The following CNTNAP2 variants were observed in gnomAD, a reference collection of about 807,000 sequenced individuals.
CNTNAP2 encodes contactin associated protein 2, also known as contactin-associated protein-like 2.
A neutral mutation model predicts 155.2 loss-of-function variants in CNTNAP2; 98 were observed. The observed-to-expected ratio is 0.63, with a 90% CI of 0.54 to 0.75. The LOEUF (loss-of-function observed/expected upper bound fraction) is 0.75, where lower values mean the gene tolerates loss of function less well. Among genes scored for constraint, CNTNAP2 ranks in the 30% least tolerant of loss-of-function variants. The probability of loss-of-function intolerance (pLI) is 0.00; values close to 1 mark genes in which losing one functional copy is unlikely to be tolerated. For synonymous variants in CNTNAP2, 651 were observed against 631.2 expected (o/e 1.03, Z -0.47); for missense variants, 1,727 against 1,688.1 (o/e 1.02, Z -0.40).
At chr7:146,237,820 T>C (rs966003854) in intron 1 of CNTNAP2, among the ~76,000 whole-genome samples, 1 of 152,256 alleles carries the variant, frequency 6.6e-6, no homozygotes, top group South Asian at 2.1e-4. Context: ...AAGTAACCCT[T>C]GTTACTAGTT....
Position 147,276,175 on chromosome 7 carries a change from A to G in CNTNAP2, c.1349-23966A>G, listed in dbSNP as rs1804891156. Among the ~76,000 whole-genome samples, 3 of 151,350 alleles carry G rather than the reference A, an allele frequency of 2.0e-5. No individual in the cohort carries two copies. The South Asian group carries it at 6.2e-4, about 31-fold the overall frequency. ...TGCCCTTGCCTGGTTTTGGTATCAG[A>G]GTGATACTAGTTTCATAGAATTAGT... is the stretch of plus-strand genomic sequence containing the variant. On this transcript the variant is annotated intron_variant, in intron 8 of 23. Transcript: ENST00000361727.
chr7:147,427,537 C>A (rs1797399277), intron 10 of CNTNAP2, among the ~76,000 whole-genome samples: 1 of 152,090 alleles, frequency 6.6e-6, no homozygotes. Context: ...AGGCCCCCGT[C>A]ATGGAGAGTT....
intron 9 of CNTNAP2, among the ~76,000 whole-genome samples, chr7:147,348,176 C>A (rs1460611204): frequency 6.6e-6 from 1 of 151,888 alleles, no homozygotes; most frequent in Non-Finnish European, 1.5e-5. Flanking sequence ...GATTATATCA[C>A]AGCACAAATC....
chr7:147,689,576 T>G (rs1447611143), intron 13 of CNTNAP2, among the ~76,000 whole-genome samples: 1 of 152,200 alleles, frequency 6.6e-6, no homozygotes, highest in African/African-American at 2.4e-5. Flanking sequence ...TTTTAAAATC[T>G]TCATTTGTTA....
chr7:148,373,291 A>T (rs914102069), intron 21 of CNTNAP2, among the ~76,000 whole-genome samples: 17 of 142,902 alleles, frequency 1.2e-4, no homozygotes, highest in Admixed American at 8.8e-4. Context: ...CCCCGTCTCT[A>T]CTAAAAATAC....
intron 2 of CNTNAP2, among the ~76,000 whole-genome samples, chr7:146,837,453 T>C (rs544611617): frequency 6.6e-6 from 1 of 152,256 alleles, no homozygotes; most frequent in South Asian, 2.1e-4. Context: ...TTTTAAAAAA[T>C]GTTTATATGT....
At chr7:148,360,557 CTT>C (rs1456314645) in intron 21 of CNTNAP2, among the ~76,000 whole-genome samples, 2 of 151,616 alleles carry the variant, frequency 1.3e-5, no homozygotes, top group African/African-American at 2.4e-5. Context: ...AAAGTAAACA[CTT>C]TTAAAAACTT....
At chr7:146,802,191 G>A (rs1453206355) in intron 2 of CNTNAP2, among the ~76,000 whole-genome samples, 1 of 152,192 alleles carries the variant, frequency 6.6e-6, no homozygotes, top group Non-Finnish European at 1.5e-5. Context: ...TGAGGTGGAA[G>A]TGGATGTGTT....
chr7:148,139,179 C>A (rs1805013638), intron 16 of CNTNAP2, among the ~76,000 whole-genome samples: 1 of 152,192 alleles, frequency 6.6e-6, no homozygotes, highest in Non-Finnish European at 1.5e-5. Flanking sequence ...AAGCTCCAGG[C>A]ATTTCCTTGA....
chr7:146,948,044 A>C (rs1563016394), intron 3 of CNTNAP2, among the ~76,000 whole-genome samples: 1 of 152,132 alleles, frequency 6.6e-6, no homozygotes, highest in Non-Finnish European at 1.5e-5. Context: ...TGTTGATGTT[A>C]GTGTATTTTG....
intron 15 of CNTNAP2, among the ~76,000 whole-genome samples, chr7:148,048,090 AT>A (rs376394968): frequency 0.022 from 3,207 of 144,962 alleles, 75 homozygotes; most frequent in African/African-American, 0.07. Flanking sequence ...TGCCCAGCTA[AT>A]TTTTTTTTTT....
chr7:146,179,737 G>A (rs1798523552), intron 1 of CNTNAP2, among the ~76,000 whole-genome samples: 1 of 151,902 alleles, frequency 6.6e-6, no homozygotes, highest in Non-Finnish European at 1.5e-5. Flanking sequence ...CAAAATTGGG[G>A]GATAAATGCT....
chr7:146,781,348 TAAAAAA>T (rs71165039), intron 2 of CNTNAP2, among the ~76,000 whole-genome samples: 5 of 147,680 alleles, frequency 3.4e-5, no homozygotes, highest in Admixed American at 2.7e-4. Flanking sequence ...TTCCAGAACT[TAAAAAA>T]AAAAAATCAC....
intron 3 of CNTNAP2, among the ~76,000 whole-genome samples, chr7:146,902,854 G>A (rs917634795): frequency 2.0e-5 from 3 of 152,176 alleles, no homozygotes; most frequent in Non-Finnish European, 2.9e-5. Context: ...ATGGGCCCTC[G>A]ATGACATGGT....
intron 4 of CNTNAP2, among the ~76,000 whole-genome samples, chr7:147,098,542 T>G (rs1037371904): frequency 2.0e-5 from 3 of 152,220 alleles, no homozygotes; most frequent in Non-Finnish European, 4.4e-5. Context: ...GAAGTTGATC[T>G]TAGACATTTA....
At chr7:147,262,102 A>C (rs1162722130) in intron 8 of CNTNAP2, among the ~76,000 whole-genome samples, 2 of 152,226 alleles carry the variant, frequency 1.3e-5, no homozygotes, top group African/African-American at 4.8e-5. Context: ...TATAAAATGT[A>C]GACTGTTGTT....
At chr7:147,583,588 T>C (rs997072531) in intron 12 of CNTNAP2, among the ~76,000 whole-genome samples, 1 of 149,486 alleles carries the variant, frequency 6.7e-6, no homozygotes, top group Non-Finnish European at 1.5e-5. Context: ...CCATCTCATA[T>C]AGGTTAGTTT....
At chr7:148,152,457 G>A (rs1805313917) in intron 17 of CNTNAP2, among the ~76,000 whole-genome samples, 1 of 150,502 alleles carries the variant, frequency 6.6e-6, no homozygotes, top group Admixed American at 6.6e-5. Flanking sequence ...GCAAAAATCT[G>A]AAAAAAAAAT....
intron 8 of CNTNAP2, among the ~76,000 whole-genome samples, chr7:147,245,550 G>C (rs2462583): frequency 6.6e-6 from 1 of 151,842 alleles, no homozygotes; most frequent in African/African-American, 2.4e-5. Flanking sequence ...TTTCATCTTA[G>C]AGGCTGGGCG....
Sources: gnomAD v4.1 joint callset for allele counts (sites outside exome capture counted in the v4.1 genomes callset) on GRCh38, gnomAD v4.1.1 for gene constraint, MANE v1.5 for transcripts, NCBI Gene and HGNC (gene_info 2026-07-23, HGNC 2026-07-21) for gene names.